Variants in MAP6 observed in about 807,000 individuals in gnomAD.
MAP6 encodes microtubule-associated protein 6.
In MAP6, 26 loss-of-function variants were observed where a neutral mutation model predicts 42.4. The ratio of observed to expected loss-of-function variants is 0.61; its 90% CI spans 0.45 to 0.85. MAP6 has a LOEUF of 0.85. MAP6 is among the 40% of genes least tolerant of loss of function. MAP6 has a pLI of 0.00. For synonymous variants in MAP6, 418 were observed against 443.8 expected (o/e 0.94, Z 0.73); for missense variants, 966 against 1,099.0 (o/e 0.88, Z 1.71).
At chr11:75,620,925 T>C (rs1309219666) in intron 1 of MAP6, among the ~76,000 whole-genome samples, 1 of 151,952 alleles carries the variant, frequency 6.6e-6, no homozygotes, top group Non-Finnish European at 1.5e-5. Context: ...GGTCAGGAGA[T>C]AGAGACCATC....
chr11:75,592,075 GT>G (rs544622235), intron 3 of MAP6, among the ~76,000 whole-genome samples: 29 of 152,344 alleles, frequency 1.9e-4, no homozygotes, highest in Middle Eastern at 6.8e-3. Context: ...CTCTCATGCT[GT>G]TTTGCACACT....
At chr11:75,665,642 G>A (rs1943934385) in intron 1 of MAP6, among the ~76,000 whole-genome samples, 1 of 152,220 alleles carries the variant, frequency 6.6e-6, no homozygotes, top group Non-Finnish European at 1.5e-5. Flanking sequence ...AAGCAAGCAA[G>A]CCATAGCAGA....
chr11:75,640,448 G>T (rs1370072434), intron 1 of MAP6, among the ~76,000 whole-genome samples: 1 of 152,168 alleles, frequency 6.6e-6, no homozygotes, highest in African/African-American at 2.4e-5. Context: ...AAACATGACT[G>T]TTTGGGGCCA....
chr11:75,661,059 A>AGGTAAGCAT (rs1943835865), intron 1 of MAP6, among the ~76,000 whole-genome samples: 1 of 152,142 alleles, frequency 6.6e-6, no homozygotes, highest in Non-Finnish European at 1.5e-5. Context: ...TTAAATCCAC[A>AGGTAAGCAT]AGATAATGCT....
At chr11:75,618,479 C>T (rs935950053) in intron 1 of MAP6, among the ~76,000 whole-genome samples, 2 of 151,868 alleles carry the variant, frequency 1.3e-5, no homozygotes, top group Admixed American at 6.6e-5. Context: ...TGGTGGTGGG[C>T]GCCTGTAATC....
chr11:75,617,834 G>A (rs968965138), intron 1 of MAP6, among the ~76,000 whole-genome samples: 1 of 152,280 alleles, frequency 6.6e-6, no homozygotes, highest in South Asian at 2.1e-4. Flanking sequence ...TGGGGTGGTT[G>A]TGCCACAAGG....
intron 1 of MAP6, among the ~76,000 whole-genome samples, chr11:75,615,208 C>G (rs1942976043): frequency 6.6e-6 from 1 of 152,174 alleles, no homozygotes; most frequent in Non-Finnish European, 1.5e-5. Context: ...AGAACTGGCT[C>G]TGGAGTGAGA....
At chr11:75,631,463 C>T (rs1156443607) in intron 1 of MAP6, among the ~76,000 whole-genome samples, 1 of 152,130 alleles carries the variant, frequency 6.6e-6, no homozygotes, top group Non-Finnish European at 1.5e-5. Flanking sequence ...CTTTGCCCAA[C>T]CCTCTCCCAC....
chr11:75,650,503 T>G (rs1047516158), intron 1 of MAP6, among the ~76,000 whole-genome samples: 2 of 152,164 alleles, frequency 1.3e-5, no homozygotes, highest in African/African-American at 4.8e-5. Context: ...CATGATGAAT[T>G]TTGTCTTGTT....
intron 3 of MAP6, among the ~76,000 whole-genome samples, chr11:75,598,346 G>A (rs1418752940): frequency 6.6e-6 from 1 of 152,190 alleles, no homozygotes; most frequent in African/African-American, 2.4e-5. Context: ...ATGTGTGGTG[G>A]TGGGGAGGGT....
At chr11:75,639,198 T>C (rs1319237956) in intron 1 of MAP6, among the ~76,000 whole-genome samples, 1 of 152,170 alleles carries the variant, frequency 6.6e-6, no homozygotes, top group African/African-American at 2.4e-5. Context: ...ATGGCTACAA[T>C]ATACGCTATT....
intron 3 of MAP6, among the ~76,000 whole-genome samples, chr11:75,592,492 C>T (rs1942499236): frequency 6.6e-6 from 1 of 152,114 alleles, no homozygotes; most frequent in African/African-American, 2.4e-5. Flanking sequence ...TCCCTCAAAA[C>T]CCTCACCCCA....
intron 1 of MAP6, among the ~76,000 whole-genome samples, chr11:75,608,619 C>T (rs1942826452): frequency 6.6e-6 from 1 of 152,096 alleles, no homozygotes; most frequent in East Asian, 1.9e-4. Flanking sequence ...CTCTTTTTCC[C>T]AATCTTGAAA....
chr11:75,603,257 C>T (rs1942698519), intron 3 of MAP6: 1 of 985,506 alleles, frequency 1.0e-6, no homozygotes, highest in Non-Finnish European at 1.2e-6. Context: ...GGACGGAGAA[C>T]CACAGGGAAA....
chr11:75,600,394 A>C (rs1413650850), intron 3 of MAP6, among the ~76,000 whole-genome samples: 1 of 152,234 alleles, frequency 6.6e-6, no homozygotes, highest in Non-Finnish European at 1.5e-5. Context: ...AAATAACAAA[A>C]TACATAATGG....
intron 1 of MAP6, among the ~76,000 whole-genome samples, chr11:75,631,115 G>A (rs1020316274): frequency 4.6e-5 from 7 of 152,226 alleles, no homozygotes; most frequent in African/African-American, 1.2e-4. Context: ...GGGTGCCAAT[G>A]TGACTGGTTT....
At chr11:75,609,875 A>T (rs1452482883) in intron 1 of MAP6, among the ~76,000 whole-genome samples, 1 of 152,166 alleles carries the variant, frequency 6.6e-6, no homozygotes, top group Non-Finnish European at 1.5e-5. Flanking sequence ...TTGAAACTTC[A>T]TCCCCAGTGT....
chr11:75,607,200 G>A lies in MAP6; in HGVS notation c.1119+909C>T, dbSNP rs1026572525. ...GGAAGAATCCCAGGCAAACTGGGTC[G>A]GTTAGTTACCTTACCCATAAACTGG... On this transcript the variant is annotated intron_variant, in intron 2 of 3. Transcript: ENST00000304771. 31 of 982,182 alleles carry A rather than the reference G, an allele frequency of 3.2e-5. No individual in the cohort carries two copies. In the African/African-American group the frequency reaches 4.5e-4, roughly 14 times the overall value. The allele number at this position is 982,182 out of a possible 1,614,324, so 60.8% of individuals were successfully genotyped here.
intron 1 of MAP6, among the ~76,000 whole-genome samples, chr11:75,666,523 C>A (rs1943950284): frequency 6.6e-6 from 1 of 151,810 alleles, no homozygotes; most frequent in Non-Finnish European, 1.5e-5. Context: ...AAAGAAGATG[C>A]CTCAATAGCA....
Sources: allele counts gnomAD v4.1 joint callset (sites outside exome capture counted in the v4.1 genomes callset), GRCh38; gene constraint gnomAD v4.1.1; transcripts MANE v1.5; gene names NCBI Gene and HGNC (gene_info 2026-07-23, HGNC 2026-07-21).